Variants in CACFD1 observed in about 807,000 individuals in gnomAD.
CACFD1 encodes calcium channel flower homolog.
CACFD1 carries 26 observed loss-of-function variants against 21.3 expected under a neutral mutation model. The ratio of observed to expected loss-of-function variants is 1.22; its 90% CI spans 0.89 to 1.69. The LOEUF is 1.69. CACFD1 is among the 40% of genes most tolerant of loss of function. CACFD1 has a pLI of 0.00. For synonymous variants in CACFD1, 121 were observed against 106.6 expected, an observed-to-expected ratio of 1.13 and a Z score of -0.83; for missense variants, 265 against 236.2, an observed-to-expected ratio of 1.12 and a Z score of -0.80.
intron 1 of CACFD1, among the ~76,000 whole-genome samples, chr9:133,463,251 CCTGCCACCTTG>C (rs1195299306): frequency 2.0e-5 from 3 of 152,212 alleles, no homozygotes; most frequent in Non-Finnish European, 2.9e-5. Flanking sequence ...GTGAGATCCA[CCTGCCACCTTG>C]CTGCCACCTT....
In CACFD1 at chr9:133,465,432, C is replaced by G. The variant is rs1392153270; in HGVS notation, c.305C>G (p.Ala102Gly). The G allele has an allele frequency of 3.7e-6, 6 of 1,611,210 alleles. No homozygotes were observed. The highest frequency in any genetic ancestry group is 5.1e-6 in the Non-Finnish European group (6 of 1,178,368). ...GACCGGCTGCGCTCCTGGCAGAAGG[C>G]TGTCTTCTACTGCGGGTGAGGGGTT... is the stretch of plus-strand genomic sequence containing the variant. ...KVDRLRSWQK[A>G]VFYCGMAVVP... Residue 102 changes from alanine to glycine, a missense_variant, in exon 3 of 5, where the codon GCT (alanine) becomes GGT (glycine). Transcript: ENST00000316948. The surrounding 1 kb of genome is among the most constrained non-coding windows in gnomAD (Gnocchi z 5.0).
rs1174799558 is a variant in CACFD1, at chr9:133,470,547, G to A, written c.*1894G>A. 6.6e-6 allele frequency: 1 copy of A among 152,474 alleles called. No individual in the cohort carries two copies. Among genetic ancestry groups the A allele is most frequent in the Non-Finnish European group, 1.5e-5 (1 of 68,228 alleles). 9.4% of individuals were successfully genotyped at this position (152,474 alleles called of 1,614,324 possible). On this transcript the variant is annotated 3_prime_UTR_variant, in exon 5 of 5. Coordinates refer to ENST00000316948, the MANE Select transcript of CACFD1 (RefSeq NM_017586.5). ...AGAGTGGGCGTGTCACCTGTCCCAG[G>A]TTCCCAGCAAGTCTGCAGCTGTGCA...
At chr9:133,468,541 C>T (rs782310655) in intron 4 of CACFD1, 22 bp from the exon 5 acceptor site, 10 of 1,561,034 alleles carry the variant, frequency 6.4e-6, no homozygotes, top group African/African-American at 4.0e-5. Context: ...CTCCACGTGA[C>T]GCTGCCTCTC....
In CACFD1 at chr9:133,468,643, G is replaced by A. The variant is rs782002893; in HGVS notation, c.509G>A (p.Gly170Glu). 6.3e-7 allele frequency: 1 copy of A among 1,577,450 alleles called. No individual in the cohort carries two copies. Among genetic ancestry groups the A allele is most frequent in the Non-Finnish European group, 8.6e-7 (1 of 1,164,530 alleles). Residue 170 changes from glycine (G) to glutamate (E), a missense_variant, in exon 5 of 5, where the codon GGG (glycine) becomes GAG (glutamate). By Grantham distance (98) the Gly-to-Glu change is moderately conservative. Transcript: ENST00000316948. ...GAGAAGCTCGCGGAGACCCTGGAGG[G>A]GGAGCTGTGAAGGGCTGGGCGCCCC... ...DEEKLAETLE[G>E]EL
In CACFD1 at chr9:133,468,210, C is replaced by T. The variant is rs141888743; in HGVS notation, c.428+182C>T. ...GGGTGAAGACAGAGGACTTACAACACTTCTGCGTGGCCCAGTCTTGCCCCG... is the reference window on the plus strand; with the variant it reads ...GGGTGAAGACAGAGGACTTACAACATTTCTGCGTGGCCCAGTCTTGCCCCG... On this transcript the variant is annotated intron_variant, in intron 4 of 4. Coordinates refer to ENST00000316948, the MANE Select transcript of CACFD1 (RefSeq NM_017586.5). The T allele has an allele frequency of 3.5e-5, 43 of 1,222,742 alleles. No homozygotes were observed. The East Asian group carries it at 9.5e-4, about 27-fold the overall frequency. The allele number at this position is 1,222,742 out of a possible 1,614,324, so 75.7% of individuals were successfully genotyped here.
intron 1 of CACFD1, chr9:133,462,350 C>A: frequency 3.3e-6 from 4 of 1,227,964 alleles, no homozygotes; most frequent in Non-Finnish European, 4.3e-6. Flanking sequence ...TAAGGCTGTG[C>A]TGAGGAGCAG....
intron 1 of CACFD1, among the ~76,000 whole-genome samples, chr9:133,463,001 T>A (rs1235131496): frequency 6.6e-6 from 1 of 152,176 alleles, no homozygotes; most frequent in African/African-American, 2.4e-5. Context: ...GCACCCCTTG[T>A]CCCAACCAAA....
chr9:133,465,604 C>G lies in CACFD1; in HGVS notation c.320+157C>G. 3 of 771,956 alleles carry G rather than the reference C, an allele frequency of 3.9e-6. No homozygotes were observed. Among genetic ancestry groups the G allele is most frequent in the Non-Finnish European group, 6.1e-6 (3 of 490,790 alleles). 47.8% of individuals were successfully genotyped at this position (771,956 alleles called of 1,614,324 possible). ...TTTGTGCACAGTGATTTGCTCATAG[C>G]TGCCAAAACGTGCCCCAGTGGTTCT... On this transcript the variant is annotated intron_variant, in intron 3 of 4. Coordinates refer to ENST00000316948, the MANE Select transcript of CACFD1 (RefSeq NM_017586.5). The surrounding 1 kb of genome is among the most constrained non-coding windows in gnomAD (Gnocchi z 5.0).
In CACFD1 at chr9:133,467,971, G is replaced by T. The variant is rs782151532; in HGVS notation, c.371G>T (p.Gly124Val). 1.9e-6 allele frequency: 3 copies of T among 1,613,912 alleles called. No homozygotes were observed. The South Asian group carries it at 3.3e-5, about 18-fold the overall frequency. The change falls in exon 4 of 5, where the codon GGC becomes GTC. Residue 124 changes from glycine to valine, a missense_variant. Physicochemically the swap from Gly to Val is moderately radical, Grantham distance 109. Transcript: ENST00000316948. The stretch of plus-strand genomic sequence containing the variant: ...AGCCTGACCCTGACCACGCTGCTGG[G>T]CAACGCCATCGCCTTTGCTACGGGG... The part of the protein sequence containing the change: ...VISLTLTTLL[G>V]NAIAFATGVL...
At chr9:133,463,595 G>T (rs1843310146) in intron 2 of CACFD1, 40 bp downstream of exon 2, 1 of 1,608,310 alleles carries the variant, frequency 6.2e-7, no homozygotes, top group Non-Finnish European at 8.5e-7. Context: ...GGGTCTTGCT[G>T]GTCGGGAATC....
At chr9:133,461,865 C>A (rs1403874749) in intron 1 of CACFD1, 1 of 985,242 alleles carries the variant, frequency 1.0e-6, no homozygotes, top group Admixed American at 6.1e-5. Context: ...GGAGTTCAGA[C>A]AAGGGTTGTG....
At position 133,468,662 on chromosome 9, in the gene CACFD1, G is replaced by A. The variant is rs891468452; in HGVS notation, c.*9G>A. Reference sequence around the variant, plus strand: ...TGGAGGGGGAGCTGTGAAGGGCTGGGCGCCCCTCCCTCCCTGTCCCCTCTT... The same window carrying A: ...TGGAGGGGGAGCTGTGAAGGGCTGGACGCCCCTCCCTCCCTGTCCCCTCTT... On this transcript the variant is annotated 3_prime_UTR_variant, in exon 5 of 5. Transcript: ENST00000316948. 3 of 1,562,684 alleles carry A rather than the reference G, an allele frequency of 1.9e-6. No individual in the cohort carries two copies. Among genetic ancestry groups the A allele is most frequent in the Non-Finnish European group, 1.7e-6 (2 of 1,156,176 alleles).
chr9:133,468,144 G>A, intron 4 of CACFD1, 116 bp downstream of exon 4: 1 of 1,041,114 alleles, frequency 9.6e-7, no homozygotes, highest in South Asian at 1.5e-5. Context: ...CGAGGCAGAG[G>A]TCCCAGTAAC....
intron 1 of CACFD1, among the ~76,000 whole-genome samples, chr9:133,462,631 G>A (rs1843267794): frequency 6.6e-6 from 1 of 152,222 alleles, no homozygotes; most frequent in East Asian, 1.9e-4. Flanking sequence ...CCACCTCCTT[G>A]GACCTGCCTT....
rs1843226764 is a variant in CACFD1 at position 133,461,731 on chromosome 9, C to A, written c.121+1544C>A. 5 of 302,616 alleles carry A rather than the reference C, an allele frequency of 1.7e-5. No homozygotes were observed. The South Asian group carries it at 5.2e-4, about 31-fold the overall frequency. The allele number at this position is 302,616 out of a possible 1,614,324, so 18.7% of individuals were successfully genotyped here. On this transcript the variant is annotated intron_variant, in intron 1 of 4. Coordinates refer to ENST00000316948, the MANE Select transcript of CACFD1 (RefSeq NM_017586.5). ...TCTACAGATGAAGCTTCAGGAGAAA[C>A]TTGTGGCATTGCCCTGAGTTGTCAG...
In CACFD1 at chr9:133,463,086, C is replaced by T. The variant is rs145821094; in HGVS notation, c.122-397C>T. Among the ~76,000 whole-genome samples, 150 of 152,334 alleles carry T rather than the reference C, an allele frequency of 9.8e-4. 2 individuals carry two copies. The highest frequency in any genetic ancestry group is 3.4e-3 in the African/African-American group (143 of 41,570). On this transcript the variant is annotated intron_variant, in intron 1 of 4. Coordinates refer to ENST00000316948, the MANE Select transcript of CACFD1 (RefSeq NM_017586.5). Reference sequence around the variant, plus strand: ...GTGAATGGTGGCAAGTGACCCTTACCGAAGGCTGAGTCTTGGGGGAGCACT... The same window carrying T: ...GTGAATGGTGGCAAGTGACCCTTACTGAAGGCTGAGTCTTGGGGGAGCACT...
Position 133,465,374 on chromosome 9 carries a change from A to G in CACFD1, c.247A>G (p.Ile83Val), listed in dbSNP as rs1183982043. 2 of 1,614,006 alleles carry G rather than the reference A, an allele frequency of 1.2e-6. No individual in the cohort carries two copies. Among genetic ancestry groups the G allele is most frequent in the Non-Finnish European group, 1.7e-6 (2 of 1,179,962 alleles). ...TGAGGCGCCCTTCTGCTGCCAGTTC[A>G]TCGAGTTTGCAAACACAGTGGCGGA... ...LCEAPFCCQF[I>V]EFANTVAEKV... Residue 83 changes from isoleucine (I) to valine (V), a missense_variant, in exon 3 of 5, where the codon ATC (isoleucine) becomes GTC (valine). Physicochemically the swap from Ile to Val is conservative, Grantham distance 29 (BLOSUM62 3). Transcript: ENST00000316948. This position sits in a 1 kb window ranked among gnomAD's most constrained non-coding sequence, Gnocchi z 5.0.
chr9:133,469,904 G>A lies in CACFD1; in HGVS notation c.*1251G>A, dbSNP rs1477241136. The A allele has an allele frequency of 6.6e-6, 1 of 152,374 alleles. No individual in the cohort carries two copies. Among genetic ancestry groups the A allele is most frequent in the African/African-American group, 2.4e-5 (1 of 41,520 alleles). The allele number at this position is 152,374 out of a possible 1,614,324, so 9.4% of individuals were successfully genotyped here. A position where few individuals can be genotyped will look rare whatever the true frequency, so the allele number is the denominator to read the frequency against. ...TCTTGCTAAGTGAACTGTTTCCCAG[G>A]AACACCTCTCGGGCCCATCTGCGTC... On this transcript the variant is annotated 3_prime_UTR_variant, in exon 5 of 5. Coordinates refer to ENST00000316948, the MANE Select transcript of CACFD1 (RefSeq NM_017586.5).
At chr9:133,461,063 C>T (rs1843189980) in intron 1 of CACFD1, among the ~76,000 whole-genome samples, 1 of 152,242 alleles carries the variant, frequency 6.6e-6, no homozygotes, top group Admixed American at 6.5e-5. Context: ...TGTCTGCCCT[C>T]AATCTTGTGG....
Sources: gnomAD v4.1 joint callset for allele counts (sites outside exome capture counted in the v4.1 genomes callset) on GRCh38, gnomAD v4.1.1 for gene constraint, Gnocchi (gnomAD v3.1) non-coding constraint, MANE v1.5 for transcripts, NCBI Gene and HGNC (gene_info 2026-07-23, HGNC 2026-07-21) for gene names.